The following TYW1B variants were observed in gnomAD, a reference collection of about 807,000 sequenced individuals.
TYW1B encodes tRNA-yW synthesizing protein 1 homolog B, also known as S-adenosyl-L-methionine-dependent tRNA 4-demethylwyosine synthase TYW1B.
TYW1B carries 73 observed loss-of-function variants against 86.9 expected under a neutral mutation model. That is an observed-to-expected ratio of 0.84 (90% CI 0.70 to 1.02). The LOEUF is 1.02. TYW1B is among the 50% of genes least tolerant of loss of function. The pLI is 0.00. For synonymous variants in TYW1B, 248 were observed against 292.8 expected (o/e 0.85, Z 1.56); for missense variants, 637 against 827.4 (o/e 0.77, Z 2.82).
At chr7:72,638,067 A>G (rs140874031) in intron 11 of TYW1B, among the ~76,000 whole-genome samples, 3,154 of 151,130 alleles carry the variant, frequency 0.021, 111 homozygotes, top group African/African-American at 0.071. Flanking sequence ...ACAGTAAATG[A>G]GTAAAACTTT....
intron 8 of TYW1B, among the ~76,000 whole-genome samples, chr7:72,740,628 TAAAC>T (rs1276616326): frequency 6.6e-6 from 1 of 151,074 alleles, no homozygotes; most frequent in South Asian, 2.1e-4. Context: ...GAAAACTCAC[TAAAC>T]AAACAAAACC....
In TYW1B at chr7:72,748,025, C is replaced by T. The variant is rs1480439203; in HGVS notation, c.965-3424G>A. Among the ~76,000 whole-genome samples, 7 of 152,274 alleles carry T rather than the reference C, an allele frequency of 4.6e-5. No homozygotes were observed. The East Asian group carries it at 7.7e-4, about 17-fold the overall frequency. On this transcript the variant is annotated intron_variant, in intron 7 of 13. Transcript: ENST00000620995. ...GTGGCTCACGCCTGTAATCCCAGCACTTTGGGAGGCCAAGGCGGGTGGATC... is the reference window on the plus strand; with the variant it reads ...GTGGCTCACGCCTGTAATCCCAGCATTTTGGGAGGCCAAGGCGGGTGGATC...
chr7:72,607,939 T>C (rs1554435180), intron 13 of TYW1B, among the ~76,000 whole-genome samples: 2 of 152,158 alleles, frequency 1.3e-5, no homozygotes, highest in Non-Finnish European at 2.9e-5. Context: ...CCTGAATATT[T>C]TTAAAAATCT....
chr7:72,788,383 T>C (rs1322014536), intron 6 of TYW1B, among the ~76,000 whole-genome samples: 8 of 152,220 alleles, frequency 5.3e-5, no homozygotes, highest in African/African-American at 1.2e-4. Context: ...TGAGTAGCTT[T>C]AGCTGAAATG....
At chr7:72,711,309 A>G (rs1228167085) in intron 10 of TYW1B, among the ~76,000 whole-genome samples, 3 of 152,146 alleles carry the variant, frequency 2.0e-5, no homozygotes, top group African/African-American at 7.2e-5. Flanking sequence ...AGAGACACAG[A>G]AGCAGTCCAG....
intron 3 of TYW1B, among the ~76,000 whole-genome samples, chr7:72,813,211 T>G (rs2129572764): frequency 6.6e-6 from 1 of 150,888 alleles, no homozygotes; most frequent in Admixed American, 6.6e-5. Flanking sequence ...GATTTGCTTT[T>G]GTCGCCCAGG....
chr7:72,807,536 G>A (rs1198838107), intron 4 of TYW1B, among the ~76,000 whole-genome samples, 180 bp from the exon 5 acceptor site: 1 of 151,988 alleles, frequency 6.6e-6, no homozygotes, highest in East Asian at 1.9e-4. Flanking sequence ...CCAGAAGAGG[G>A]TCATTTTATG....
At chr7:72,685,279 TAAGA>T in intron 11 of TYW1B, among the ~76,000 whole-genome samples, 1 of 150,834 alleles carries the variant, frequency 6.6e-6, no homozygotes, top group South Asian at 2.1e-4. Context: ...ATTAATATGC[TAAGA>T]AAGGAGAGAA....
intron 11 of TYW1B, among the ~76,000 whole-genome samples, chr7:72,667,637 C>T (rs1813500443): frequency 6.6e-6 from 1 of 152,058 alleles, no homozygotes. Context: ...TCGCTTGAGC[C>T]GGGAGGTGGA....
chr7:72,703,878 A>T (rs1585915797), intron 10 of TYW1B, among the ~76,000 whole-genome samples: 1 of 151,802 alleles, frequency 6.6e-6, no homozygotes, highest in African/African-American at 2.4e-5. Flanking sequence ...GAAAAGAAAA[A>T]GAAAAAAGAA....
chr7:72,734,087 T>C (rs782646560), intron 8 of TYW1B, among the ~76,000 whole-genome samples: 7 of 151,370 alleles, frequency 4.6e-5, no homozygotes, highest in Non-Finnish European at 8.8e-5. Context: ...TGAAACCCCA[T>C]CTCTAATAAA....
intron 10 of TYW1B, among the ~76,000 whole-genome samples, chr7:72,702,060 C>T (rs1814489428): frequency 6.6e-6 from 1 of 152,210 alleles, no homozygotes. Context: ...TCCCCTATGA[C>T]ATCTCATGGC....
intron 2 of TYW1B, among the ~76,000 whole-genome samples, chr7:72,825,382 A>C (rs1788911521): frequency 6.6e-6 from 1 of 152,178 alleles, no homozygotes; most frequent in Non-Finnish European, 1.5e-5. Flanking sequence ...TTCATTACAT[A>C]GATGTGTGAC....
chr7:72,797,027 G>A (rs1332742519), intron 6 of TYW1B, among the ~76,000 whole-genome samples: 9 of 151,536 alleles, frequency 5.9e-5, no homozygotes, highest in Admixed American at 2.6e-4. Flanking sequence ...GGCTGGTCTC[G>A]AACTCCTGAC....
chr7:72,585,767 G>A (rs1554430400), intron 13 of TYW1B, among the ~76,000 whole-genome samples: 4 of 152,144 alleles, frequency 2.6e-5, no homozygotes, highest in South Asian at 2.1e-4. Flanking sequence ...CCCCAGCCAC[G>A]TGAACTGTGA....
At chr7:72,678,027 T>C (rs1299170504) in intron 11 of TYW1B, among the ~76,000 whole-genome samples, 1 of 152,122 alleles carries the variant, frequency 6.6e-6, no homozygotes, top group Non-Finnish European at 1.5e-5. Flanking sequence ...TTAGCACTTG[T>C]TTACTCCACC....
chr7:72,645,993 T>C (rs1475883060), intron 11 of TYW1B, among the ~76,000 whole-genome samples: 3 of 146,106 alleles, frequency 2.1e-5, no homozygotes, highest in African/African-American at 7.4e-5. Context: ...ATGTTATATG[T>C]TATATATATT....
At chr7:72,772,461 G>A (rs1456563245) in intron 7 of TYW1B, among the ~76,000 whole-genome samples, 1 of 152,124 alleles carries the variant, frequency 6.6e-6, no homozygotes, top group Non-Finnish European at 1.5e-5. Context: ...AGATGTCAGT[G>A]GGAGATTAAA....
intron 10 of TYW1B, among the ~76,000 whole-genome samples, chr7:72,709,561 G>A (rs372401780): frequency 1.1e-4 from 17 of 152,248 alleles, no homozygotes; most frequent in East Asian, 5.8e-4. Context: ...CCAGCTACTC[G>A]GGAGGCTGAG....
Sources: gnomAD v4.1 joint callset for allele counts (sites outside exome capture counted in the v4.1 genomes callset) on GRCh38, gnomAD v4.1.1 for gene constraint, MANE v1.5 for transcripts, NCBI Gene and HGNC (gene_info 2026-07-23, HGNC 2026-07-21) for gene names.